LUC7L3: variants seen among roughly 807,000 people sequenced by gnomAD.
LUC7L3 encodes LUC7 like 3 pre-mRNA splicing factor.
In LUC7L3, 6 loss-of-function variants were observed where a neutral mutation model predicts 66.8. The observed-to-expected ratio is 0.09, with a 90% CI of 0.05 to 0.18. The LOEUF is 0.18. Among genes scored for constraint, LUC7L3 ranks in the 10% least tolerant of loss-of-function variants. LUC7L3 has a pLI of 1.00. For synonymous variants in LUC7L3, 160 were observed against 174.7 expected, an observed-to-expected ratio of 0.92 and a Z score of 0.66; for missense variants, 341 against 531.1, an observed-to-expected ratio of 0.64 and a Z score of 3.52.
intron 5 of LUC7L3, among the ~76,000 whole-genome samples, chr17:50,742,029 CTG>C (rs1970378138): frequency 6.6e-6 from 1 of 152,110 alleles, no homozygotes; most frequent in African/African-American, 2.4e-5. Context: ...TTAGACGTGT[CTG>C]TGCCACTGCA....
At chr17:50,725,946 CATACTGTA>C (rs1240340318) in intron 1 of LUC7L3, among the ~76,000 whole-genome samples, 2 of 152,176 alleles carry the variant, frequency 1.3e-5, no homozygotes, top group Admixed American at 6.5e-5. Flanking sequence ...AACTATAGTA[CATACTGTA>C]ATACTGTAAT....
At chr17:50,741,409 A>T (rs1005973498) in intron 4 of LUC7L3, 163 bp downstream of exon 4, 9 of 752,726 alleles carry the variant, frequency 1.2e-5, no homozygotes, top group Non-Finnish European at 1.9e-5. Flanking sequence ...ATTAGCAAAC[A>T]TAACACTGAT....
intron 1 of LUC7L3, among the ~76,000 whole-genome samples, chr17:50,728,272 A>G (rs187886138): frequency 5.9e-5 from 9 of 152,336 alleles, no homozygotes; most frequent in African/African-American, 1.4e-4. Context: ...TGTGTAGGCA[A>G]TAAATAGTGA....
chr17:50,742,164 G>C (rs1174170152), intron 5 of LUC7L3, among the ~76,000 whole-genome samples: 1 of 152,092 alleles, frequency 6.6e-6, no homozygotes, highest in Non-Finnish European at 1.5e-5. Context: ...AGTCGTTAGG[G>C]AAATACAGAT....
At chr17:50,724,469 C>T (rs917001835) in intron 1 of LUC7L3, among the ~76,000 whole-genome samples, 1 of 151,772 alleles carries the variant, frequency 6.6e-6, no homozygotes, top group African/African-American at 2.4e-5. Flanking sequence ...TGCAGTGAGC[C>T]GAGATGGTGC....
At chr17:50,742,008 C>T (rs984176605) in intron 5 of LUC7L3, among the ~76,000 whole-genome samples, 7 of 152,054 alleles carry the variant, frequency 4.6e-5, no homozygotes, top group Admixed American at 3.3e-4. Context: ...CCTACAAGGG[C>T]GAGGCTGTAG....
intron 2 of LUC7L3, among the ~76,000 whole-genome samples, chr17:50,738,592 C>G (rs72839271): frequency 0.085 from 12,910 of 152,150 alleles, 698 homozygotes; most frequent in Middle Eastern, 0.16. Flanking sequence ...TGAAAAACAG[C>G]TCTTAGAAAT....
rs1971092191 is a variant in LUC7L3, at chr17:50,755,414, CATTT to C, written c.*4758_*4761del. On this transcript the variant is annotated 3_prime_UTR_variant, in exon 10 of 10. Coordinates refer to ENST00000505658, the MANE Select transcript of LUC7L3 (RefSeq NM_016424.5). ...GTTTTTACCTGGTAATATTTAGAAA[CATTT>C]ATTTTGAGATAAAGGAGAGCACTTT... The C allele has an allele frequency of 6.6e-6, 1 of 152,174 alleles. No homozygotes were observed. Among genetic ancestry groups the C allele is most frequent in the Middle Eastern group, 3.2e-3 (1 of 316 alleles). 9.4% of individuals were successfully genotyped at this position (152,174 alleles called of 1,614,324 possible). A position where few individuals can be genotyped will look rare whatever the true frequency, so the allele number is the denominator to read the frequency against.
At chr17:50,732,449 A>G (rs1173847763) in intron 1 of LUC7L3, among the ~76,000 whole-genome samples, 1 of 152,030 alleles carries the variant, frequency 6.6e-6, no homozygotes, top group Non-Finnish European at 1.5e-5. Context: ...TGGCATGATC[A>G]CCACTCACTG....
chr17:50,724,091 T>G, intron 1 of LUC7L3: 1 of 354,326 alleles, frequency 2.8e-6, no homozygotes, highest in Non-Finnish European at 5.8e-6. Flanking sequence ...ACTCCCCATG[T>G]ACCCATGCCC....
At chr17:50,732,369 C>T (rs1242543013) in intron 1 of LUC7L3, among the ~76,000 whole-genome samples, 1 of 152,020 alleles carries the variant, frequency 6.6e-6, no homozygotes, top group Non-Finnish European at 1.5e-5. Context: ...TCTTTACAAT[C>T]CCACTATAAG....
Position 50,719,623 on chromosome 17 carries a change from T to G in LUC7L3, c.-110T>G. On this transcript the variant is annotated 5_prime_UTR_variant, in exon 1 of 10. Coordinates refer to ENST00000505658, the MANE Select transcript of LUC7L3 (RefSeq NM_016424.5). ...ATTTTGTCTTGTCGGCTCCTGTGTGTAGGAGGGATTTCGGCCTGAGAGCGG... is the reference window on the plus strand; with the variant it reads ...ATTTTGTCTTGTCGGCTCCTGTGTGGAGGAGGGATTTCGGCCTGAGAGCGG... 4 of 856,368 alleles carry G rather than the reference T, an allele frequency of 4.7e-6. No homozygotes were observed. The highest frequency in any genetic ancestry group is 2.7e-5 in the East Asian group (1 of 36,564). The allele number at this position is 856,368 out of a possible 1,614,324, so 53.0% of individuals were successfully genotyped here.
rs927896971 is a variant in LUC7L3, at chr17:50,754,011, C to T, written c.*3350C>T. On this transcript the variant is annotated 3_prime_UTR_variant, in exon 10 of 10. Transcript: ENST00000505658. ...AGAGACGTAGAAGTTGAATTTTACA[C>T]CCAAAATTGATGTGACTGAAGAGGA... The T allele has an allele frequency of 1.3e-5, 2 of 152,112 alleles. No homozygotes were observed. The highest frequency in any genetic ancestry group is 4.8e-5 in the African/African-American group (2 of 41,408). 9.4% of individuals were successfully genotyped at this position (152,112 alleles called of 1,614,324 possible).
At chr17:50,725,006 C>T (rs1386363818) in intron 1 of LUC7L3, among the ~76,000 whole-genome samples, 3 of 152,110 alleles carry the variant, frequency 2.0e-5, no homozygotes, top group East Asian at 1.9e-4. Context: ...AGTGATCCTC[C>T]CTCGGCCTCC....
At chr17:50,732,145 A>G (rs1969647912) in intron 1 of LUC7L3, among the ~76,000 whole-genome samples, 1 of 152,204 alleles carries the variant, frequency 6.6e-6, no homozygotes, top group Non-Finnish European at 1.5e-5. Flanking sequence ...GTACAAAATC[A>G]TCGAAATTGT....
At chr17:50,722,487 C>CGCCCG (rs1238680025) in intron 1 of LUC7L3, 1 of 152,224 alleles carries the variant, frequency 6.6e-6, no homozygotes, top group Non-Finnish European at 1.5e-5. Flanking sequence ...CGAGCCACCG[C>CGCCCG]GCCCGGCCGG....
chr17:50,725,551 T>C (rs1428681966), intron 1 of LUC7L3, among the ~76,000 whole-genome samples: 2 of 152,220 alleles, frequency 1.3e-5, no homozygotes, highest in African/African-American at 4.8e-5. Context: ...CAATTGAATG[T>C]AAACGCATTT....
intron 1 of LUC7L3, among the ~76,000 whole-genome samples, chr17:50,726,151 C>T (rs965611228): frequency 4.0e-5 from 4 of 99,630 alleles, no homozygotes; most frequent in Non-Finnish European, 6.4e-5. Context: ...ATTGCAATAC[C>T]GTATAAACTT....
At chr17:50,735,331 T>C (rs773146787) in intron 1 of LUC7L3, among the ~76,000 whole-genome samples, 1 of 152,152 alleles carries the variant, frequency 6.6e-6, no homozygotes, top group Non-Finnish European at 1.5e-5. Flanking sequence ...ATGCAGCTTA[T>C]GGAACCACAT....
Sources: allele counts gnomAD v4.1 joint callset (sites outside exome capture counted in the v4.1 genomes callset), GRCh38; gene constraint gnomAD v4.1.1; transcripts MANE v1.5; gene names NCBI Gene and HGNC (gene_info 2026-07-23, HGNC 2026-07-21).